Variants in KCNAB1 observed in about 807,000 individuals in gnomAD.
KCNAB1 encodes the protein potassium voltage-gated channel subfamily A regulatory beta subunit 1, also known as voltage-gated potassium channel subunit beta-1.
KCNAB1 carries 35 observed loss-of-function variants against 64.6 expected under a neutral mutation model. The ratio of observed to expected loss-of-function variants is 0.54; its 90% CI spans 0.41 to 0.72. The LOEUF is 0.72. KCNAB1 is among the 30% of genes least tolerant of loss of function. The pLI, the probability that KCNAB1 is intolerant of heterozygous loss-of-function variation, is 0.00. For synonymous variants in KCNAB1, 177 were observed against 183.8 expected (o/e 0.96, Z 0.30); for missense variants, 401 against 512.9 (o/e 0.78, Z 2.11).
chr3:156,147,376 A>T (rs1298138067), intron 1 of KCNAB1, among the ~76,000 whole-genome samples: 1 of 152,184 alleles, frequency 6.6e-6, no homozygotes, highest in East Asian at 1.9e-4. Context: ...TTCCTAGAGG[A>T]TCTTTCCTGT....
At chr3:156,513,864 CATT>C (rs997253418) in intron 8 of KCNAB1, among the ~76,000 whole-genome samples, 53 of 152,352 alleles carry the variant, frequency 3.5e-4, no homozygotes, top group Middle Eastern at 3.4e-3. Context: ...CTGCTAAACA[CATT>C]GTTGTTGAGT....
intron 1 of KCNAB1, among the ~76,000 whole-genome samples, chr3:156,152,928 C>G (rs1715499183): frequency 6.6e-6 from 1 of 152,186 alleles, no homozygotes; most frequent in African/African-American, 2.4e-5. Context: ...CTAGCACTTT[C>G]TTCCTCTACC....
At chr3:156,398,449 G>T (rs1006601187) in intron 1 of KCNAB1, among the ~76,000 whole-genome samples, 4 of 151,938 alleles carry the variant, frequency 2.6e-5, no homozygotes, top group Non-Finnish European at 4.4e-5. Context: ...AAAATTAGCC[G>T]GGCGAGGTGG....
intron 8 of KCNAB1, among the ~76,000 whole-genome samples, chr3:156,501,918 A>C (rs1325159421): frequency 6.6e-6 from 1 of 152,196 alleles, no homozygotes; most frequent in Non-Finnish European, 1.5e-5. Flanking sequence ...ACGAGGAAGA[A>C]GCAAAAGCAG....
chr3:156,269,951 T>C (rs1718930568), intron 1 of KCNAB1, among the ~76,000 whole-genome samples: 1 of 148,396 alleles, frequency 6.7e-6, no homozygotes, highest in Non-Finnish European at 1.5e-5. Context: ...TGTCTCACTC[T>C]GTCACCCAGA....
chr3:156,193,530 G>A (rs563056958), intron 1 of KCNAB1, among the ~76,000 whole-genome samples: 1 of 152,122 alleles, frequency 6.6e-6, no homozygotes, highest in Non-Finnish European at 1.5e-5. Context: ...AAGGAAAGAG[G>A]TTTAATGAGC....
chr3:156,345,680 G>A (rs1049399327), intron 1 of KCNAB1, among the ~76,000 whole-genome samples: 2 of 152,198 alleles, frequency 1.3e-5, no homozygotes, highest in Admixed American at 1.3e-4. Flanking sequence ...TTTGGTGGCT[G>A]GGGACAGCTT....
chr3:156,263,352 A>G (rs1718531500), intron 1 of KCNAB1, among the ~76,000 whole-genome samples: 1 of 152,010 alleles, frequency 6.6e-6, no homozygotes, highest in African/African-American at 2.4e-5. Flanking sequence ...AAATATTTTT[A>G]AATTTCCTCT....
intron 6 of KCNAB1, among the ~76,000 whole-genome samples, chr3:156,465,380 T>C (rs1315645488): frequency 7.9e-5 from 12 of 151,968 alleles, no homozygotes; most frequent in Non-Finnish European, 2.9e-5. Flanking sequence ...ATGGACAGAG[T>C]GTACGTGGCT....
At chr3:156,209,938 G>A (rs1185711077) in intron 1 of KCNAB1, among the ~76,000 whole-genome samples, 1 of 152,126 alleles carries the variant, frequency 6.6e-6, no homozygotes, top group Non-Finnish European at 1.5e-5. Context: ...TTAGACATTA[G>A]AGACAATTTC....
chr3:156,423,837 C>A (rs1488639330), intron 2 of KCNAB1, among the ~76,000 whole-genome samples: 2 of 151,964 alleles, frequency 1.3e-5, no homozygotes, highest in East Asian at 3.9e-4. Context: ...GAGCCAGGAG[C>A]TAAAATGAGG....
At chr3:156,388,394 A>C (rs1712775551) in intron 1 of KCNAB1, among the ~76,000 whole-genome samples, 1 of 152,208 alleles carries the variant, frequency 6.6e-6, no homozygotes, top group Non-Finnish European at 1.5e-5. Flanking sequence ...CACAGAGCAA[A>C]GAGTCTCGCA....
intron 11 of KCNAB1, among the ~76,000 whole-genome samples, chr3:156,517,546 G>A (rs1481533647): frequency 1.3e-5 from 2 of 152,158 alleles, no homozygotes; most frequent in Non-Finnish European, 2.9e-5. Flanking sequence ...AGGAAAGAAG[G>A]TATAAAAAGA....
chr3:156,187,314 A>G (rs7627831), intron 1 of KCNAB1, among the ~76,000 whole-genome samples: 22,217 of 152,112 alleles, frequency 0.15, 1,776 homozygotes, highest in African/African-American at 0.18. Context: ...ACTACTGCTT[A>G]TAACTCTTAG....
chr3:156,327,822 AG>A (rs1279096206), intron 1 of KCNAB1, among the ~76,000 whole-genome samples: 4 of 152,140 alleles, frequency 2.6e-5, no homozygotes, highest in African/African-American at 4.8e-5. Context: ...CATTCCAGAT[AG>A]GTGGCTTTCT....
At chr3:156,317,371 C>T (rs1288282263) in intron 1 of KCNAB1, among the ~76,000 whole-genome samples, 7 of 152,024 alleles carry the variant, frequency 4.6e-5, no homozygotes, top group African/African-American at 1.7e-4. Flanking sequence ...AATTTTTGCC[C>T]TGGCAAAAAC....
chr3:156,263,470 C>T (rs1222023186), intron 1 of KCNAB1, among the ~76,000 whole-genome samples: 2 of 151,916 alleles, frequency 1.3e-5, no homozygotes, highest in African/African-American at 4.8e-5. Flanking sequence ...AACTTAATTT[C>T]ATTGTGTTTG....
Position 156,120,595 on chromosome 3 carries a change from T to G in KCNAB1, c.-17T>G, listed in dbSNP as rs749292974. 6.2e-7 allele frequency: 1 copy of G among 1,613,288 alleles called. No homozygotes were observed. Among genetic ancestry groups the G allele is most frequent in the African/African-American group, 1.3e-5 (1 of 74,840 alleles). ...TTGATGACAGTGACTTCCAGTCTTC[T>G]CTGAAAGATCTCCACGATGCTGGCA... On this transcript the variant is annotated 5_prime_UTR_variant, in exon 1 of 14. Coordinates refer to ENST00000490337, the MANE Select transcript of KCNAB1 (RefSeq NM_172160.3).
At chr3:156,425,950 A>G (rs963883426) in intron 2 of KCNAB1, among the ~76,000 whole-genome samples, 5 of 152,218 alleles carry the variant, frequency 3.3e-5, no homozygotes, top group African/African-American at 9.6e-5. Context: ...GGTTTAAGAC[A>G]GGAAGCAATG....
Sources: gnomAD v4.1 joint callset for allele counts (sites outside exome capture counted in the v4.1 genomes callset) on GRCh38, gnomAD v4.1.1 for gene constraint, MANE v1.5 for transcripts, NCBI Gene and HGNC (gene_info 2026-07-23, HGNC 2026-07-21) for gene names.